The following TF variants were observed in gnomAD, a reference collection of about 807,000 sequenced individuals.
TF encodes serotransferrin.
TF carries 55 observed loss-of-function variants against 82.4 expected under a neutral mutation model. The observed-to-expected ratio is 0.67, with a 90% CI of 0.54 to 0.84. The LOEUF (loss-of-function observed/expected upper bound fraction) is 0.84. Among genes scored for constraint, TF ranks in the 40% least tolerant of loss-of-function variants. The probability of loss-of-function intolerance (pLI) is 0.00; values close to 1 mark genes in which losing one functional copy is unlikely to be tolerated. For missense variants in TF, 737 were observed against 868.4 expected (o/e 0.85, Z 1.90); for synonymous variants, 332 against 332.6 (o/e 1.00, Z 0.02).
At chr3:133,707,248 T>C in the TF span, among the ~76,000 whole-genome samples, 2 of 148,692 alleles carry the variant, frequency 1.3e-5, no homozygotes, top group East Asian at 4.0e-4. Flanking sequence ...ATGACAATAA[T>C]GAATGCCATA....
rs1176320923 is a variant in TF at position 133,783,833 on chromosome 3, C to G, written c.*5213C>G. On this transcript the variant is annotated 3_prime_UTR_variant, in exon 17 of 17. Transcript: ENST00000402696. ...GCAGCGGCGAACCACTTTTCCTCCCCGACCTGCCGGCTGCAGGGTCTCCCC... is the reference window on the plus strand; with the variant it reads ...GCAGCGGCGAACCACTTTTCCTCCCGGACCTGCCGGCTGCAGGGTCTCCCC... 6.6e-5 allele frequency: 10 copies of G among 152,410 alleles called. No homozygotes were observed. In the East Asian group the frequency reaches 1.9e-3, roughly 29 times the overall value. The allele number at this position is 152,410 out of a possible 1,614,324, so 9.4% of individuals were successfully genotyped here.
Position 133,766,287 on chromosome 3 carries a change from C to T in TF, c.1340C>T (p.Ala447Val). ...GGTGTCTTTCTTGTAGGGTATTTTG[C>T]TATAGCAGTGGTGAAGAAATCAGCT... ...CEDTPEAGYF[A>V]IAVVKKSASD... The change falls in exon 12 of 17, where the codon GCT becomes GTT. Residue 447 changes from alanine (A) to valine (V), a missense_variant. By Grantham distance (64) the Ala-to-Val change is moderately conservative (BLOSUM62 0). Transcript: ENST00000402696. The T allele has an allele frequency of 1.2e-6, 2 of 1,614,132 alleles. No homozygotes were observed.
the TF span, among the ~76,000 whole-genome samples, chr3:133,676,757 C>G: frequency 2.0e-5 from 3 of 152,238 alleles, no homozygotes; most frequent in African/African-American, 7.2e-5. Context: ...CCGCTGGGAT[C>G]GTTCCTAAAT....
the TF span, among the ~76,000 whole-genome samples, chr3:133,736,393 C>T: frequency 6.6e-6 from 1 of 152,086 alleles, no homozygotes; most frequent in Non-Finnish European, 1.5e-5. Flanking sequence ...GAAACTGCAT[C>T]AACTAACAGG....
At chr3:133,703,908 C>T in the TF span, among the ~76,000 whole-genome samples, 66 of 152,194 alleles carry the variant, frequency 4.3e-4, no homozygotes, top group Admixed American at 4.3e-3. Flanking sequence ...CTGAGTCTGG[C>T]CATGTTAATT....
In TF at chr3:133,775,606, C is replaced by A. The variant is rs759649614; in HGVS notation, c.1861C>A (p.Arg621Ser). ...DKEACVHKIL[R>S]QQQHLFGSNV... is the part of the protein sequence containing the mutation. ...GGAAGCTTGCGTCCACAAGATATTACGTCAACAGCAGGTATGGACCAGCCA... is the reference window on the plus strand; with the variant it reads ...GGAAGCTTGCGTCCACAAGATATTAAGTCAACAGCAGGTATGGACCAGCCA... Residue 621 changes from arginine to serine, a missense_variant, in exon 15 of 17, where the codon CGT becomes AGT. Coordinates refer to ENST00000402696, the MANE Select transcript of TF (RefSeq NM_001063.4). 2 of 1,614,138 alleles carry A rather than the reference C, an allele frequency of 1.2e-6. No individual in the cohort carries two copies. Among genetic ancestry groups the A allele is most frequent in the Admixed American group, 3.3e-5 (2 of 60,034 alleles).
intron 15 of TF, among the ~76,000 whole-genome samples, chr3:133,776,193 T>C (rs8177335): frequency 0.01 from 1,590 of 152,332 alleles, 15 homozygotes; most frequent in African/African-American, 0.014. Context: ...CGCTTGTTGA[T>C]ACGAGTCATG....
the TF span, among the ~76,000 whole-genome samples, chr3:133,673,029 CAT>C: frequency 6.6e-6 from 1 of 152,104 alleles, no homozygotes; most frequent in Non-Finnish European, 1.5e-5. Flanking sequence ...AAAAATTTTG[CAT>C]AATGGAGAAT....
chr3:133,774,846 C>G (rs1934345237), intron 14 of TF: 1 of 250,812 alleles, frequency 4.0e-6, no homozygotes, highest in Admixed American at 5.5e-5. Flanking sequence ...GAGCTGAAAC[C>G]CTAAGAATGG....
chr3:133,668,634 G>A, the TF span, among the ~76,000 whole-genome samples: 2 of 152,154 alleles, frequency 1.3e-5, no homozygotes, highest in African/African-American at 4.8e-5. Flanking sequence ...CAGAGACCAT[G>A]TAGAAACCCT....
intron 14 of TF, chr3:133,774,929 G>A: frequency 2.6e-6 from 1 of 382,842 alleles, no homozygotes; most frequent in South Asian, 2.1e-5. Flanking sequence ...ATACAGACCT[G>A]TATCACACAG....
the TF span, among the ~76,000 whole-genome samples, chr3:133,664,322 ACTT>A: frequency 6.6e-6 from 1 of 152,154 alleles, no homozygotes; most frequent in East Asian, 1.9e-4. Flanking sequence ...ACTCCCATGT[ACTT>A]TTTTTTTCTT....
At chr3:133,738,425 C>A in the TF span, among the ~76,000 whole-genome samples, 1 of 152,114 alleles carries the variant, frequency 6.6e-6, no homozygotes, top group African/African-American at 2.4e-5. Flanking sequence ...CCCTCTCTTC[C>A]CACTCCTATT....
chr3:133,684,245 A>C, the TF span, among the ~76,000 whole-genome samples: 1 of 152,262 alleles, frequency 6.6e-6, no homozygotes, highest in Non-Finnish European at 1.5e-5. Flanking sequence ...CCACAAGAGA[A>C]GGCAGGAAAG....
In TF at chr3:133,775,478, A is replaced by G; in HGVS notation, c.1733A>G (p.Tyr578Cys). 1 of 1,614,226 alleles carries G rather than the reference A, an allele frequency of 6.2e-7. No individual in the cohort carries two copies. The highest frequency in any genetic ancestry group is 8.5e-7 in the Non-Finnish European group (1 of 1,180,036). ...PWAKNLNEKD[Y>C]ELLCLDGTRK... ...GCTAAGAATCTGAATGAAAAAGACT[A>G]TGAGTTGCTGTGCCTTGATGGTACC... The change falls in exon 15 of 17, where the codon TAT (tyrosine) becomes TGT (cysteine). Residue 578 changes from tyrosine to cysteine, a missense_variant. Coordinates refer to ENST00000402696, the MANE Select transcript of TF (RefSeq NM_001063.4).
chr3:133,755,888 C>G (rs559389740), intron 5 of TF: 4 of 429,154 alleles, frequency 9.3e-6, no homozygotes, highest in Non-Finnish European at 1.7e-5. Flanking sequence ...GTCTCCTGCC[C>G]CCATCACCGT....
At chr3:133,728,149 G>T in the TF span, among the ~76,000 whole-genome samples, 24 of 152,138 alleles carry the variant, frequency 1.6e-4, no homozygotes, top group African/African-American at 5.5e-4. Flanking sequence ...TGTTCTTCTC[G>T]AGGAGTATCT....
At chr3:133,711,795 C>T in the TF span, among the ~76,000 whole-genome samples, 1 of 152,256 alleles carries the variant, frequency 6.6e-6, no homozygotes, top group Admixed American at 6.5e-5. Flanking sequence ...CTTCTCATCT[C>T]TCTAACGATA....
At chr3:133,755,844 A>G (rs1933811041) in intron 5 of TF, 2 of 434,696 alleles carry the variant, frequency 4.6e-6, no homozygotes, top group East Asian at 4.9e-5. Context: ...TCTTCCCTCA[A>G]TCTCAGCAGT....
Sources: gnomAD v4.1 joint callset for allele counts (sites outside exome capture counted in the v4.1 genomes callset) on GRCh38, gnomAD v4.1.1 for gene constraint, MANE v1.5 for transcripts, NCBI Gene and HGNC (gene_info 2026-07-23, HGNC 2026-07-21) for gene names.